Variants in RSRC1 observed in about 807,000 individuals in gnomAD.
The protein encoded by RSRC1 is serine/Arginine-related protein 53.
A neutral mutation model predicts 49.1 loss-of-function variants in RSRC1; 39 were observed. The observed-to-expected ratio is 0.79, with a 90% confidence interval of 0.61 to 1.04. The LOEUF (loss-of-function observed/expected upper bound fraction) is 1.04. RSRC1 is among the 50% of genes least tolerant of loss of function. The probability of loss-of-function intolerance (pLI) is 0.00; values close to 1 mark genes in which losing one functional copy is unlikely to be tolerated. For synonymous variants in RSRC1, 143 were observed against 130.8 expected (o/e 1.09, Z -0.63); for missense variants, 388 against 402.4 (o/e 0.96, Z 0.31).
At chr3:158,349,898 A>G (rs913755016) in intron 5 of RSRC1, among the ~76,000 whole-genome samples, 4 of 151,126 alleles carry the variant, frequency 2.6e-5, no homozygotes, top group Admixed American at 6.6e-5. Flanking sequence ...GAGTTTCACC[A>G]TATTTGTCAG....
intron 4 of RSRC1, among the ~76,000 whole-genome samples, chr3:158,284,757 G>A (rs376719304): frequency 1.3e-4 from 20 of 150,632 alleles, no homozygotes; most frequent in East Asian, 9.8e-4. Context: ...TTTTTCTTGT[G>A]AATTTGTTTG....
At chr3:158,342,418 T>G (rs1484370370) in intron 5 of RSRC1, among the ~76,000 whole-genome samples, 2 of 152,192 alleles carry the variant, frequency 1.3e-5, no homozygotes, top group Non-Finnish European at 2.9e-5. Context: ...GATGAGTTTA[T>G]CAGGGGTTTC....
At chr3:158,305,671 AGATGGAGAAC>A (rs1169565175) in intron 5 of RSRC1, among the ~76,000 whole-genome samples, 1 of 152,086 alleles carries the variant, frequency 6.6e-6, no homozygotes, top group Non-Finnish European at 1.5e-5. Context: ...TTAGGAGTTA[AGATGGAGAAC>A]GCCTTTGCCA....
intron 3 of RSRC1, among the ~76,000 whole-genome samples, chr3:158,173,695 A>G (rs575555206): frequency 1.1e-4 from 17 of 152,180 alleles, no homozygotes; most frequent in African/African-American, 4.1e-4. Flanking sequence ...AATAGCCTAA[A>G]GGTGGAAACA....
intron 6 of RSRC1, among the ~76,000 whole-genome samples, chr3:158,394,258 C>T (rs1176411229): frequency 6.6e-6 from 1 of 152,040 alleles, no homozygotes; most frequent in African/African-American, 2.4e-5. Flanking sequence ...CAAGGATGCC[C>T]TCTCTCACTA....
intron 6 of RSRC1, among the ~76,000 whole-genome samples, chr3:158,387,629 T>C (rs1199922675): frequency 6.6e-6 from 1 of 152,106 alleles, no homozygotes; most frequent in African/African-American, 2.4e-5. Context: ...TAAACTACTG[T>C]GAAATAAAGG....
At chr3:158,470,353 CACACACACATATATAT>C (rs1339954000) in intron 7 of RSRC1, among the ~76,000 whole-genome samples, 1 of 120,056 alleles carries the variant, frequency 8.3e-6, no homozygotes, top group Non-Finnish European at 1.7e-5. Flanking sequence ...CACACACACA[CACACACACATATATAT>C]ATATATATAT....
At chr3:158,541,602 A>G (rs1320879455) in intron 8 of RSRC1, among the ~76,000 whole-genome samples, 1 of 152,190 alleles carries the variant, frequency 6.6e-6, no homozygotes, top group Non-Finnish European at 1.5e-5. Context: ...TATTTTTCTT[A>G]GTGACATCTG....
rs527447126 is a variant in RSRC1 at position 158,516,316 on chromosome 3, G to A, written c.653-20776G>A. On this transcript the variant is annotated intron_variant, in intron 7 of 9. Transcript: ENST00000611884. ...CTGTTTGTTAGTTTTCCTTCTAACA[G>A]ACAGGACCCTCAGCTGCAGGTCTGT... 2.6e-3 allele frequency among the ~76,000 whole-genome samples: 401 copies of A among 152,052 alleles called. 3 individuals carry two copies. Among genetic ancestry groups the A allele is most frequent in the African/African-American group, 9.2e-3 (381 of 41,486 alleles).
intron 1 of RSRC1, among the ~76,000 whole-genome samples, chr3:158,111,176 A>C (rs1714367745): frequency 6.6e-6 from 1 of 152,246 alleles, no homozygotes; most frequent in Non-Finnish European, 1.5e-5. Flanking sequence ...GATTTGGAGC[A>C]GGTGTGACAG....
chr3:158,404,278 T>G (rs574722405), intron 6 of RSRC1, among the ~76,000 whole-genome samples: 2 of 152,026 alleles, frequency 1.3e-5, no homozygotes, highest in South Asian at 2.1e-4. Context: ...TAGAGCACAT[T>G]CATTTTCTCT....
intron 3 of RSRC1, among the ~76,000 whole-genome samples, chr3:158,150,491 C>T (rs1341510444): frequency 6.6e-6 from 1 of 152,094 alleles, no homozygotes; most frequent in Non-Finnish European, 1.5e-5. Flanking sequence ...ATATTATTTG[C>T]TAATTGAAAT....
chr3:158,507,411 T>C (rs1039931572), intron 7 of RSRC1, among the ~76,000 whole-genome samples: 6 of 152,046 alleles, frequency 3.9e-5, no homozygotes, highest in Admixed American at 2.0e-4. Flanking sequence ...CAAAGAAAAA[T>C]GTTTGAGGTG....
chr3:158,273,522 C>G (rs542906522), intron 4 of RSRC1, among the ~76,000 whole-genome samples: 1 of 152,024 alleles, frequency 6.6e-6, no homozygotes, highest in Non-Finnish European at 1.5e-5. Flanking sequence ...GATAAATTAT[C>G]CCCCATTCTA....
chr3:158,182,555 T>A (rs1399864286), intron 3 of RSRC1, among the ~76,000 whole-genome samples: 3 of 152,158 alleles, frequency 2.0e-5, no homozygotes, highest in Non-Finnish European at 2.9e-5. Flanking sequence ...CCAAACATAG[T>A]ACTTATTGCA....
chr3:158,137,660 T>TC (rs1300949704), intron 3 of RSRC1, among the ~76,000 whole-genome samples: 3 of 150,284 alleles, frequency 2.0e-5, no homozygotes, highest in South Asian at 2.1e-4. Flanking sequence ...TTTTTCTTTT[T>TC]TTTTTTTTTT....
At chr3:158,231,162 T>G (rs1395145805) in intron 4 of RSRC1, among the ~76,000 whole-genome samples, 2 of 84,758 alleles carry the variant, frequency 2.4e-5, no homozygotes, top group Admixed American at 1.4e-4. Flanking sequence ...TTTTTTTTTT[T>G]GAGACAGTCT....
At chr3:158,157,752 C>A (rs1717966353) in intron 3 of RSRC1, among the ~76,000 whole-genome samples, 1 of 152,074 alleles carries the variant, frequency 6.6e-6, no homozygotes. Context: ...CCCATGTCTA[C>A]TAAAAATACA....
chr3:158,421,221 A>G (rs780488197), intron 6 of RSRC1, among the ~76,000 whole-genome samples: 4 of 151,886 alleles, frequency 2.6e-5, no homozygotes, highest in Non-Finnish European at 4.4e-5. Flanking sequence ...ATGATCGAGA[A>G]TGGTCTGGAT....
Sources: allele counts gnomAD v4.1 joint callset (sites outside exome capture counted in the v4.1 genomes callset), GRCh38; gene constraint gnomAD v4.1.1; transcripts MANE v1.5; gene names NCBI Gene and HGNC (gene_info 2026-07-23, HGNC 2026-07-21).